Variants in PTPRD observed in about 807,000 individuals in gnomAD.
The protein encoded by PTPRD is protein tyrosine phosphatase receptor type D, also known as receptor-type tyrosine-protein phosphatase delta.
Under a neutral mutation model 214.5 loss-of-function variants are expected in PTPRD, and 34 were observed. That is an observed-to-expected ratio of 0.16 (90% confidence interval 0.12 to 0.21). The LOEUF is 0.21. Ranked by LOEUF, PTPRD falls within the 10% of genes least tolerant of loss-of-function variation. The probability of loss-of-function intolerance (pLI) is 1.00; values close to 1 mark genes in which losing one functional copy is unlikely to be tolerated. For synonymous variants in PTPRD, 1,128 were observed against 845.7 expected (o/e 1.33, Z -5.79); for missense variants, 2,545 against 2,398.7 (o/e 1.06, Z -1.27).
intron 3 of PTPRD, among the ~76,000 whole-genome samples, chr9:10,250,112 T>C (rs564238057): frequency 7.2e-5 from 11 of 152,168 alleles, no homozygotes; most frequent in Non-Finnish European, 8.8e-5. Flanking sequence ...GTACTTAGTA[T>C]GTATTATCTG....
At chr9:9,963,708 A>C (rs981095686) in intron 4 of PTPRD, among the ~76,000 whole-genome samples, 1 of 152,192 alleles carries the variant, frequency 6.6e-6, no homozygotes, top group Non-Finnish European at 1.5e-5. Context: ...AGTTCAGACC[A>C]AGAAGGACAA....
chr9:9,513,112 A>G (rs1447663542), intron 8 of PTPRD, among the ~76,000 whole-genome samples: 1 of 151,902 alleles, frequency 6.6e-6, no homozygotes, highest in Non-Finnish European at 1.5e-5. Flanking sequence ...CACTAAAATA[A>G]CAAGATAGTA....
At chr9:8,870,960 T>C (rs1483323699) in intron 11 of PTPRD, among the ~76,000 whole-genome samples, 1 of 152,208 alleles carries the variant, frequency 6.6e-6, no homozygotes, top group Non-Finnish European at 1.5e-5. Context: ...TTATGCCTTT[T>C]ATTCCCTGCC....
chr9:9,183,139 T>C (rs780655051), intron 10 of PTPRD, among the ~76,000 whole-genome samples, 165 bp downstream of exon 10: 5 of 152,068 alleles, frequency 3.3e-5, no homozygotes, highest in African/African-American at 4.8e-5. Context: ...GGAAAATCTA[T>C]AGTAAAGAAT....
At position 10,543,479 on chromosome 9, in the gene PTPRD, T is replaced by TATACACAC. The variant is rs1555502598; in HGVS notation, c.-600+68918_-600+68919insGTGTGTAT. Among the ~76,000 whole-genome samples, 199 of 145,186 alleles carry TATACACAC rather than the reference T, an allele frequency of 1.4e-3. 1 individual carries two copies. The highest frequency in any genetic ancestry group is 4.9e-3 in the African/African-American group (190 of 38,898). On this transcript the variant is annotated intron_variant, in intron 2 of 45. Transcript: ENST00000381196. ...GTTTGAAGAGTTTAATATATATATATACACACACACACACACACACACACA... is the reference window on the plus strand; with the variant it reads ...GTTTGAAGAGTTTAATATATATATATATACACACACACACACACACACACACACACACA...
intron 11 of PTPRD, among the ~76,000 whole-genome samples, chr9:8,853,063 A>C (rs1446515305): frequency 6.6e-6 from 1 of 152,224 alleles, no homozygotes; most frequent in Non-Finnish European, 1.5e-5. Flanking sequence ...AAAAAAATGC[A>C]AACTGTTGAT....
At chr9:9,709,993 T>G (rs1470064829) in intron 7 of PTPRD, among the ~76,000 whole-genome samples, 1 of 152,028 alleles carries the variant, frequency 6.6e-6, no homozygotes, top group Non-Finnish European at 1.5e-5. Flanking sequence ...GTTCAGTGAA[T>G]AGCATCATGC....
rs544444574 is a variant in PTPRD, at chr9:10,029,183, C to G, written c.-472+4535G>C. Among the ~76,000 whole-genome samples, 14 of 152,274 alleles carry G rather than the reference C, an allele frequency of 9.2e-5. No individual in the cohort carries two copies. In the South Asian group the frequency reaches 2.9e-3, roughly 32 times the overall value. On this transcript the variant is annotated intron_variant, in intron 4 of 45. Coordinates refer to ENST00000381196, the MANE Select transcript of PTPRD (RefSeq NM_002839.4). ...CTCTGCCTAGATTTCAGAGGATGTA[C>G]AGAAATACCTGGATGTCCAGAAAGA...
rs181210357 is a variant in PTPRD, at chr9:9,501,693, T to C, written c.-237+73039A>G. Reference sequence around the variant, plus strand: ...ATAAAACTATACACCTTACAAAAGATTGAATTTATAAGGTGTATTTTCTGG... The same window carrying C: ...ATAAAACTATACACCTTACAAAAGACTGAATTTATAAGGTGTATTTTCTGG... On this transcript the variant is annotated intron_variant, in intron 8 of 45. Transcript: ENST00000381196. Among the ~76,000 whole-genome samples, 252 of 152,022 alleles carry C rather than the reference T, an allele frequency of 1.7e-3. 1 individual carries two copies. Among genetic ancestry groups the C allele is most frequent in the African/African-American group, 5.9e-3 (243 of 41,512 alleles).
chr9:9,617,970 C>G (rs1349827887), intron 7 of PTPRD, among the ~76,000 whole-genome samples: 1 of 145,144 alleles, frequency 6.9e-6, no homozygotes, highest in Non-Finnish European at 1.5e-5. Flanking sequence ...TACTCGGGAG[C>G]CTGAGGCAGG....
chr9:8,688,253 T>C (rs191412907), intron 12 of PTPRD, among the ~76,000 whole-genome samples: 294 of 152,256 alleles, frequency 1.9e-3, no homozygotes, highest in Non-Finnish European at 3.3e-3. Flanking sequence ...ATACACTGAG[T>C]TATCCAGATG....
At chr9:9,818,032 T>C (rs2049349074) in intron 5 of PTPRD, among the ~76,000 whole-genome samples, 2 of 152,300 alleles carry the variant, frequency 1.3e-5, no homozygotes, top group Admixed American at 6.5e-5. Flanking sequence ...AGTTAATATG[T>C]TGTATGTAAC....
At chr9:9,191,854 T>A (rs2099935391) in intron 9 of PTPRD, among the ~76,000 whole-genome samples, 1 of 152,036 alleles carries the variant, frequency 6.6e-6, no homozygotes, top group South Asian at 2.1e-4. Context: ...GTAATCAGTA[T>A]TTAGGATACT....
chr9:10,604,937 C>T (rs1038336049), intron 2 of PTPRD, among the ~76,000 whole-genome samples: 2 of 151,804 alleles, frequency 1.3e-5, no homozygotes, highest in Non-Finnish European at 2.9e-5. Context: ...AAAGTTCCTG[C>T]TGAGTAGTAC....
At position 9,833,741 on chromosome 9, in the gene PTPRD, A is replaced by C. The variant is rs185167191; in HGVS notation, c.-367-66890T>G. 2.8e-3 allele frequency among the ~76,000 whole-genome samples: 424 copies of C among 151,044 alleles called. 2 individuals carry two copies. Among genetic ancestry groups the C allele is most frequent in the African/African-American group, 9.4e-3 (387 of 41,320 alleles). ...ACATTCTCTTTCTCAGGGACGTTCC[A>C]TGCTGAGAAAAAGAATTCAGCAATA... On this transcript the variant is annotated intron_variant, in intron 5 of 45. Transcript: ENST00000381196.
chr9:9,424,675 T>C (rs998296368), intron 8 of PTPRD, among the ~76,000 whole-genome samples: 2 of 151,862 alleles, frequency 1.3e-5, no homozygotes, highest in Non-Finnish European at 2.9e-5. Flanking sequence ...AGAGGCTTTC[T>C]TTCACAGCAC....
At chr9:8,950,784 C>T (rs1002371135) in intron 11 of PTPRD, among the ~76,000 whole-genome samples, 11 of 150,854 alleles carry the variant, frequency 7.3e-5, no homozygotes, top group African/African-American at 2.7e-4. Context: ...GAAATGTGAA[C>T]ACTAAGGCCA....
chr9:8,933,678 A>G (rs1288539891), intron 11 of PTPRD, among the ~76,000 whole-genome samples: 4 of 152,140 alleles, frequency 2.6e-5, no homozygotes, highest in African/African-American at 7.2e-5. Context: ...ACTCAATGTC[A>G]TCACCTGATA....
intron 11 of PTPRD, among the ~76,000 whole-genome samples, chr9:8,882,690 G>C (rs1036249066): frequency 1.3e-5 from 2 of 151,902 alleles, no homozygotes; most frequent in Admixed American, 1.3e-4. Flanking sequence ...TTTGAGACCA[G>C]CCTGGCCGAC....
Sources: gnomAD v4.1 joint callset for allele counts (sites outside exome capture counted in the v4.1 genomes callset) on GRCh38, gnomAD v4.1.1 for gene constraint, MANE v1.5 for transcripts, NCBI Gene and HGNC (gene_info 2026-07-23, HGNC 2026-07-21) for gene names.